Variants in PCLO observed in about 807,000 individuals in gnomAD.
The protein encoded by PCLO is protein piccolo.
In PCLO, 82 loss-of-function variants were observed where a neutral mutation model predicts 427.5. The ratio of observed to expected loss-of-function variants is 0.19; its 90% CI spans 0.16 to 0.23. The LOEUF (loss-of-function observed/expected upper bound fraction) is 0.23, where lower values mean the gene tolerates loss of function less well. Ranked by LOEUF, PCLO falls within the 10% of genes least tolerant of loss-of-function variation. PCLO has a pLI of 1.00. For missense variants in PCLO, 6,239 were observed against 6,115.9 expected (o/e 1.02, Z -0.67); for synonymous variants, 2,357 against 2,155.4 (o/e 1.09, Z -2.59).
chr7:82,758,816 C>T, intron 24 of PCLO, 101 bp from the exon 25 acceptor site: 2 of 673,562 alleles, frequency 3.0e-6, no homozygotes, highest in Non-Finnish European at 4.9e-6. Context: ...AAAGACATAG[C>T]ACGAAAGAGG....
rs146099573 is a variant in PCLO at position 82,771,474 on chromosome 7, G to A, written c.15008-9981C>T. On this transcript the variant is annotated intron_variant, in intron 22 of 24. Coordinates refer to ENST00000333891, the MANE Select transcript of PCLO (RefSeq NM_033026.6). ...ACTCTCTCATAGTATAAACTCATCTGCAATCAAGTGGATAATATTATAGTA... is the reference window on the plus strand; with the variant it reads ...ACTCTCTCATAGTATAAACTCATCTACAATCAAGTGGATAATATTATAGTA... 4.3e-4 allele frequency among the ~76,000 whole-genome samples: 65 copies of A among 152,046 alleles called. No homozygotes were observed. In the East Asian group the frequency reaches 0.013, roughly 29 times the overall value.
intron 6 of PCLO, among the ~76,000 whole-genome samples, chr7:82,944,137 TAAAAAAA>T (rs71096608): frequency 1.2e-3 from 41 of 33,914 alleles, no homozygotes; most frequent in Middle Eastern, 0.025. Flanking sequence ...CAAGAATCCA[TAAAAAAA>T]AAAAAAAAAA....
chr7:82,826,969 A>T (rs1791960413), intron 17 of PCLO, among the ~76,000 whole-genome samples: 1 of 152,050 alleles, frequency 6.6e-6, no homozygotes, highest in Non-Finnish European at 1.5e-5. Flanking sequence ...TAAATACTCT[A>T]AATATAAGAA....
At chr7:82,849,705 CTA>C (rs1792599336) in intron 10 of PCLO, among the ~76,000 whole-genome samples, 1 of 151,980 alleles carries the variant, frequency 6.6e-6, no homozygotes, top group South Asian at 2.1e-4. Flanking sequence ...ATTATATAAA[CTA>C]TTTAAAATGC....
At chr7:83,120,115 C>A (rs1012638158) in intron 3 of PCLO, among the ~76,000 whole-genome samples, 2 of 151,870 alleles carry the variant, frequency 1.3e-5, no homozygotes, top group African/African-American at 4.8e-5. Context: ...AAAGTTTATT[C>A]AGGGAGGCCA....
chr7:83,043,722 TAA>T (rs1207011468), intron 3 of PCLO, among the ~76,000 whole-genome samples: 1 of 152,060 alleles, frequency 6.6e-6, no homozygotes, highest in South Asian at 2.1e-4. Flanking sequence ...GACAGCAACT[TAA>T]AGATTCAGGC....
At chr7:83,049,209 A>G (rs999888246) in intron 3 of PCLO, among the ~76,000 whole-genome samples, 4 of 152,148 alleles carry the variant, frequency 2.6e-5, no homozygotes, top group Non-Finnish European at 5.9e-5. Context: ...TAGGGCAGTG[A>G]CTACCTGAAA....
chr7:82,780,316 T>G (rs2129468084), intron 22 of PCLO, among the ~76,000 whole-genome samples: 1 of 152,302 alleles, frequency 6.6e-6, no homozygotes, highest in Admixed American at 6.5e-5. Context: ...AGTAGAGAAT[T>G]TAGTAATCTA....
At chr7:83,009,498 T>A (rs1211316222) in intron 3 of PCLO, among the ~76,000 whole-genome samples, 1 of 151,786 alleles carries the variant, frequency 6.6e-6, no homozygotes, top group Admixed American at 6.6e-5. Context: ...AAGGAGATAA[T>A]AGCTTGCTTT....
intron 3 of PCLO, among the ~76,000 whole-genome samples, chr7:83,067,137 A>G (rs1475649292): frequency 6.6e-6 from 1 of 152,216 alleles, no homozygotes; most frequent in Non-Finnish European, 1.5e-5. Flanking sequence ...AAGATATCTC[A>G]TTATGTATAT....
At position 82,916,416 on chromosome 7, in the gene PCLO, C is replaced by T; in HGVS notation, c.11570G>A (p.Arg3857Lys). ...GCTGAATTCAGTTTGGGGAGCAGTT[C>T]TTGGTCGCTCAATGCCATGCTGACT... ...IESQHGIERP[R>K]TAPQTEFSQF... is the part of the protein sequence containing the mutation. Residue 3857 changes from arginine (R) to lysine (K), a missense_variant, in exon 7 of 25, where the codon AGA (arginine) becomes AAA (lysine). Physicochemically the swap from Arg to Lys is conservative, Grantham distance 26 (BLOSUM62 2). Coordinates refer to ENST00000333891, the MANE Select transcript of PCLO (RefSeq NM_033026.6). 3 of 1,613,664 alleles carry T rather than the reference C, an allele frequency of 1.9e-6. 1 individual carries two copies. The highest frequency in any genetic ancestry group is 2.2e-5 in the South Asian group (2 of 91,072).
chr7:82,971,583 A>C (rs1583857361), intron 3 of PCLO, among the ~76,000 whole-genome samples: 1 of 147,620 alleles, frequency 6.8e-6, no homozygotes, highest in East Asian at 1.9e-4. Context: ...TATAATATAT[A>C]ATATATAATA....
At chr7:82,771,823 G>T (rs1790653308) in intron 22 of PCLO, among the ~76,000 whole-genome samples, 1 of 152,076 alleles carries the variant, frequency 6.6e-6, no homozygotes, top group African/African-American at 2.4e-5. Flanking sequence ...TGTGTATAAA[G>T]TGGGGAACTG....
At chr7:82,761,731 A>C (rs138965825) in intron 22 of PCLO, among the ~76,000 whole-genome samples, 44 of 151,620 alleles carry the variant, frequency 2.9e-4, no homozygotes, top group African/African-American at 9.8e-4. Flanking sequence ...ATTTATTCAG[A>C]TATGAATAAA....
At chr7:83,124,741 C>T (rs1263303167) in intron 3 of PCLO, among the ~76,000 whole-genome samples, 2 of 152,022 alleles carry the variant, frequency 1.3e-5, no homozygotes, top group African/African-American at 2.4e-5. Flanking sequence ...CTCCATCTCC[C>T]GCTTTCCACG....
intron 6 of PCLO, among the ~76,000 whole-genome samples, chr7:82,936,534 A>AG (rs1794957256): frequency 1.1e-5 from 1 of 91,146 alleles, no homozygotes; most frequent in Non-Finnish European, 2.1e-5. Flanking sequence ...TAAGTATTGG[A>AG]AAGATGTAGG....
intron 6 of PCLO, among the ~76,000 whole-genome samples, chr7:82,936,052 G>T (rs1794946655): frequency 6.6e-6 from 1 of 151,628 alleles, no homozygotes; most frequent in Non-Finnish European, 1.5e-5. Context: ...TATAGAACTT[G>T]AACAACACTG....
At chr7:83,143,128 T>C (rs1450433100) in intron 2 of PCLO, among the ~76,000 whole-genome samples, 5 of 152,192 alleles carry the variant, frequency 3.3e-5, no homozygotes, top group African/African-American at 1.2e-4. Flanking sequence ...ACCAAAAATA[T>C]ATAATATAAC....
At position 82,755,804 on chromosome 7, in the gene PCLO, T is replaced by A. The variant is rs1790306405; in HGVS notation, c.*2771A>T. ...TTGTAAGAAGGGTAGTCAACATCAT[T>A]CAGAAGAAACGCATTCATATAAGGA... On this transcript the variant is annotated 3_prime_UTR_variant, in exon 25 of 25. Coordinates refer to ENST00000333891, the MANE Select transcript of PCLO (RefSeq NM_033026.6). The A allele has an allele frequency of 6.6e-6, 1 of 152,080 alleles. No individual in the cohort carries two copies. The highest frequency in any genetic ancestry group is 1.5e-5 in the Non-Finnish European group (1 of 67,996). The allele number at this position is 152,080 out of a possible 1,614,324, so 9.4% of individuals were successfully genotyped here.
Sources: gnomAD v4.1 joint callset for allele counts (sites outside exome capture counted in the v4.1 genomes callset) on GRCh38, gnomAD v4.1.1 for gene constraint, MANE v1.5 for transcripts, NCBI Gene and HGNC (gene_info 2026-07-23, HGNC 2026-07-21) for gene names.